TBX20: variants seen among roughly 807,000 people sequenced by gnomAD.
TBX20 encodes the protein T-box transcription factor 20, also known as T-box transcription factor TBX20.
A neutral mutation model predicts 42.9 loss-of-function variants in TBX20; 8 were observed. That is an observed-to-expected ratio of 0.19 (90% CI 0.11 to 0.34). The LOEUF (loss-of-function observed/expected upper bound fraction) is 0.34, where lower values mean the gene tolerates loss of function less well. Ranked by LOEUF, TBX20 falls within the 10% of genes least tolerant of loss-of-function variation. TBX20 has a pLI of 1.00. For synonymous variants in TBX20, 198 were observed against 222.8 expected, an observed-to-expected ratio of 0.89 and a Z score of 0.99; for missense variants, 411 against 566.0, an observed-to-expected ratio of 0.73 and a Z score of 2.78.
intron 6 of TBX20, 154 bp downstream of exon 6, chr7:35,231,350 G>A (rs1789862274): frequency 1.6e-6 from 1 of 644,706 alleles, no homozygotes; most frequent in South Asian, 1.8e-5. Context: ...TCAGACTTAA[G>A]CAGTTGCATA....
intron 6 of TBX20, among the ~76,000 whole-genome samples, chr7:35,208,316 G>A (rs1789434460): frequency 6.6e-6 from 1 of 151,984 alleles, no homozygotes; most frequent in African/African-American, 2.4e-5. Context: ...TTGGAGATTT[G>A]GGTTTTCTGT....
At chr7:35,222,579 G>A (rs1789701077) in intron 6 of TBX20, among the ~76,000 whole-genome samples, 1 of 152,186 alleles carries the variant, frequency 6.6e-6, no homozygotes, top group African/African-American at 2.4e-5. Flanking sequence ...ATATTTGGGT[G>A]CTCACTGTGT....
At chr7:35,224,313 A>T (rs1391346053) in intron 6 of TBX20, among the ~76,000 whole-genome samples, 2 of 152,372 alleles carry the variant, frequency 1.3e-5, no homozygotes, top group East Asian at 3.9e-4. Flanking sequence ...TTCAAGATTG[A>T]TACAAAAGGT....
In TBX20 at chr7:35,253,882, G is replaced by C; in HGVS notation, c.-262C>G. The C allele has an allele frequency of 2.1e-6, 1 of 484,768 alleles. No homozygotes were observed. Among genetic ancestry groups the C allele is most frequent in the Non-Finnish European group, 3.7e-6 (1 of 270,334 alleles). The allele number at this position is 484,768 out of a possible 1,614,324, so 30.0% of individuals were successfully genotyped here. A position where few individuals can be genotyped will look rare whatever the true frequency, so the allele number is the denominator to read the frequency against. On this transcript the variant is annotated 5_prime_UTR_variant, in exon 1 of 8. Transcript: ENST00000408931. ...ACCGAGCACTACGGCGGGTGCGCAC[G>C]CCCCGGGGCGCTCGGCAGGACGACA...
Position 35,253,913 on chromosome 7 carries a change from C to T in TBX20, c.-293G>A. On this transcript the variant is annotated 5_prime_UTR_variant, in exon 1 of 8. Coordinates refer to ENST00000408931, the MANE Select transcript of TBX20 (RefSeq NM_001077653.2). ...GGGCGCTCGGCAGGACGACAGTCTG[C>T]ACAGCCCGAAGGCGGAAACGAGCAT... 2.4e-6 allele frequency: 1 copy of T among 411,204 alleles called. No homozygotes were observed. The highest frequency in any genetic ancestry group is 4.4e-6 in the Non-Finnish European group (1 of 225,532). The allele number at this position is 411,204 out of a possible 1,614,324, so 25.5% of individuals were successfully genotyped here.
intron 6 of TBX20, among the ~76,000 whole-genome samples, chr7:35,212,241 G>T (rs189226175): frequency 1.2e-4 from 19 of 152,166 alleles, no homozygotes; most frequent in African/African-American, 4.6e-4. Flanking sequence ...TTTATACATT[G>T]CAGTTTTCAT....
chr7:35,207,673 T>C (rs1323909815), intron 6 of TBX20, among the ~76,000 whole-genome samples: 1 of 152,206 alleles, frequency 6.6e-6, no homozygotes, highest in African/African-American at 2.4e-5. Flanking sequence ...GAATGAGTTA[T>C]GAATTGTTTA....
chr7:35,223,562 C>G (rs1486442665), intron 6 of TBX20, among the ~76,000 whole-genome samples: 3 of 152,136 alleles, frequency 2.0e-5, no homozygotes, highest in Non-Finnish European at 4.4e-5. Flanking sequence ...GAATAAAAAA[C>G]AGAAGACTGA....
chr7:35,233,453 C>A (rs1474237672), intron 5 of TBX20, among the ~76,000 whole-genome samples: 1 of 152,144 alleles, frequency 6.6e-6, no homozygotes, highest in Non-Finnish European at 1.5e-5. Flanking sequence ...AATCAGAAAC[C>A]TGTTCTCATG....
At chr7:35,224,798 C>T (rs1234030540) in intron 6 of TBX20, among the ~76,000 whole-genome samples, 1 of 151,820 alleles carries the variant, frequency 6.6e-6, no homozygotes, top group Non-Finnish European at 1.5e-5. Flanking sequence ...AGAGCATTTA[C>T]TATAAATTCA....
chr7:35,204,269 G>T (rs961392432), intron 7 of TBX20, among the ~76,000 whole-genome samples: 1 of 152,050 alleles, frequency 6.6e-6, no homozygotes, highest in African/African-American at 2.4e-5. Flanking sequence ...CCTGCAGGCA[G>T]CATCATCGCC....
At chr7:35,252,595 G>T (rs779887098) in intron 1 of TBX20, among the ~76,000 whole-genome samples, 26 of 152,102 alleles carry the variant, frequency 1.7e-4, no homozygotes, top group Admixed American at 3.9e-4. Flanking sequence ...ATTGGGGAGG[G>T]TTAAAAAAGA....
chr7:35,251,348 C>T (rs572421257), intron 1 of TBX20, among the ~76,000 whole-genome samples: 6 of 152,280 alleles, frequency 3.9e-5, no homozygotes, highest in African/African-American at 1.4e-4. Context: ...TCCTACACAT[C>T]CGTACATGAA....
intron 3 of TBX20, among the ~76,000 whole-genome samples, chr7:35,247,872 A>T (rs4720170): frequency 0.37 from 55,897 of 152,024 alleles, 10,602 homozygotes; most frequent in Admixed American, 0.46. Flanking sequence ...AGGCAGTTAC[A>T]TTCCTGTAAC....
chr7:35,239,617 A>T (rs945489168), intron 5 of TBX20, among the ~76,000 whole-genome samples: 3 of 152,278 alleles, frequency 2.0e-5, no homozygotes, highest in Admixed American at 1.3e-4. Context: ...CCTTAAGCTT[A>T]CGCTGGGCAC....
chr7:35,231,482 G>C (rs1177915666), intron 6 of TBX20, 22 bp downstream of exon 6: 3 of 1,586,308 alleles, frequency 1.9e-6, no homozygotes, highest in Non-Finnish European at 2.6e-6. Flanking sequence ...GAACAAGAAA[G>C]TAAACAGAAA....
intron 6 of TBX20, among the ~76,000 whole-genome samples, chr7:35,212,764 G>A (rs1485170780): frequency 6.6e-6 from 1 of 152,192 alleles, no homozygotes; most frequent in East Asian, 1.9e-4. Context: ...GTGACCACAA[G>A]TTACTGTTTG....
At chr7:35,207,043 T>C (rs1369398372) in intron 6 of TBX20, among the ~76,000 whole-genome samples, 1 of 152,220 alleles carries the variant, frequency 6.6e-6, no homozygotes, top group East Asian at 1.9e-4. Context: ...CATCTAAGGA[T>C]GAAATGACTA....
intron 6 of TBX20, among the ~76,000 whole-genome samples, chr7:35,218,988 C>T (rs1369834728): frequency 6.6e-6 from 1 of 152,208 alleles, no homozygotes; most frequent in Non-Finnish European, 1.5e-5. Flanking sequence ...TGCTTTTGGA[C>T]TTTCCAGCCT....
Sources: gnomAD v4.1 joint callset for allele counts (sites outside exome capture counted in the v4.1 genomes callset) on GRCh38, gnomAD v4.1.1 for gene constraint, MANE v1.5 for transcripts, NCBI Gene and HGNC (gene_info 2026-07-23, HGNC 2026-07-21) for gene names.